FANCM: variants seen among roughly 807,000 people sequenced by gnomAD.
FANCM encodes the protein FA complementation group M, also known as Fanconi anemia group M protein.
Under a neutral mutation model 199.5 loss-of-function variants are expected in FANCM, and 140 were observed. That is an observed-to-expected ratio of 0.70 (90% CI 0.61 to 0.81). FANCM has a LOEUF of 0.81. FANCM is among the 30% of genes least tolerant of loss of function. The pLI is 0.00. For synonymous variants in FANCM, 840 were observed against 836.8 expected, an observed-to-expected ratio of 1.00 and a Z score of -0.07; for missense variants, 2,410 against 2,421.4, an observed-to-expected ratio of 1.00 and a Z score of 0.10.
At chr14:45,168,797 AATAT>A (rs1888148299) in intron 11 of FANCM, among the ~76,000 whole-genome samples, 1 of 147,990 alleles carries the variant, frequency 6.8e-6, no homozygotes, top group Non-Finnish European at 1.5e-5. Flanking sequence ...TATATATTAA[AATAT>A]ATAGTATATA....
At chr14:45,164,648 C>T (rs1451105073) in intron 10 of FANCM, 83 bp downstream of exon 10, 1 of 1,073,844 alleles carries the variant, frequency 9.3e-7, no homozygotes, top group Admixed American at 2.0e-5. Context: ...TGTTAGCATT[C>T]CAAGTCCAAA....
At chr14:45,158,328 G>C (rs1245497074) in intron 8 of FANCM, among the ~76,000 whole-genome samples, 3 of 152,082 alleles carry the variant, frequency 2.0e-5, no homozygotes, top group African/African-American at 2.4e-5. Flanking sequence ...AAAGCTTAAA[G>C]AGTTTAAATA....
At chr14:45,167,319 T>C (rs1034726673) in intron 11 of FANCM, 156 bp downstream of exon 11, 2 of 641,012 alleles carry the variant, frequency 3.1e-6, no homozygotes, top group Non-Finnish European at 5.6e-6. Flanking sequence ...AGATTATTCA[T>C]GTGGCAAATG....
At chr14:45,170,925 C>CT (rs1208868990) in intron 12 of FANCM, among the ~76,000 whole-genome samples, 179 bp downstream of exon 12, 1 of 152,054 alleles carries the variant, frequency 6.6e-6, no homozygotes, top group African/African-American at 2.4e-5. Context: ...TCATTAAAGT[C>CT]TAAGTTTACA....
rs1890290548 is a variant in FANCM, at chr14:45,200,253, G to C, written c.*245G>C. On this transcript the variant is annotated 3_prime_UTR_variant, in exon 23 of 23. Transcript: ENST00000267430. Reference sequence around the variant, plus strand: ...AAATAAAACAAGGTTTATTAAAAGTGTTACTAAGGATAGTTTAAGAAAGTA... The same window carrying C: ...AAATAAAACAAGGTTTATTAAAAGTCTTACTAAGGATAGTTTAAGAAAGTA... 1 of 168,606 alleles carries C rather than the reference G, an allele frequency of 5.9e-6. No homozygotes were observed. Among genetic ancestry groups the C allele is most frequent in the African/African-American group, 2.4e-5 (1 of 41,572 alleles). The allele number at this position is 168,606 out of a possible 1,614,324, so 10.4% of individuals were successfully genotyped here.
At chr14:45,193,024 A>T (rs1374002766) in intron 20 of FANCM, among the ~76,000 whole-genome samples, 1 of 152,194 alleles carries the variant, frequency 6.6e-6, no homozygotes, top group Non-Finnish European at 1.5e-5. Context: ...TTTTCCTAGT[A>T]CAGTCCTTGG....
chr14:45,159,966 G>C (rs1887467433), intron 9 of FANCM, among the ~76,000 whole-genome samples: 2 of 145,218 alleles, frequency 1.4e-5, no homozygotes, highest in African/African-American at 5.0e-5. Context: ...ATCCTTTTTT[G>C]ATTCTGCAGA....
chr14:45,182,256 A>AT (rs148174010), intron 16 of FANCM, among the ~76,000 whole-genome samples: 2,585 of 152,334 alleles, frequency 0.017, 26 homozygotes, highest in African/African-American at 0.032. Context: ...TGTTTACAGA[A>AT]TAACAGCCTA....
intron 22 of FANCM, 143 bp from the exon 23 acceptor site, chr14:45,199,727 A>G (rs1362295671): frequency 8.8e-5 from 57 of 648,780 alleles, no homozygotes; most frequent in Non-Finnish European, 1.9e-5. Flanking sequence ...TATCCAAACT[A>G]ATGTTCAAGA....
At chr14:45,140,840 A>C in intron 3 of FANCM, 131 bp downstream of exon 3, 1 of 706,088 alleles carries the variant, frequency 1.4e-6, no homozygotes, top group South Asian at 1.5e-5. Context: ...CAGGAATTCC[A>C]GACCAGCCTG....
rs1889583738 is a variant in FANCM, at chr14:45,188,960, A to G, written c.4938A>G (p.Ala1646=). 2 of 1,614,036 alleles carry G rather than the reference A, an allele frequency of 1.2e-6. No homozygotes were observed. Among genetic ancestry groups the G allele is most frequent in the African/African-American group, 2.7e-5 (2 of 74,948 alleles). ...GTAAAAAGTATAAAACTCGACGTGC[A>G]GTAATGCTAAAAGAAATGATGGAAC... ...ANSKKYKTRR[A]VMLKEMMEQN... is the part of the protein sequence containing the mutation. The change falls in exon 20 of 23, where the codon GCA becomes GCG. Residue 1646 remains alanine, a synonymous_variant. Transcript: ENST00000267430.
chr14:45,163,999 C>T (rs1249104944), intron 9 of FANCM, among the ~76,000 whole-genome samples: 1 of 152,154 alleles, frequency 6.6e-6, no homozygotes, highest in African/African-American at 2.4e-5. Flanking sequence ...GGCTAGAGTG[C>T]AGTGTCACAG....
At position 45,185,258 on chromosome 14, in the gene FANCM, TGAA is replaced by T. The variant is rs773881348; in HGVS notation, c.4563_4565del (p.Glu1521del). 6.2e-7 allele frequency: 1 copy of T among 1,605,460 alleles called. No individual in the cohort carries two copies. The highest frequency in any genetic ancestry group is 1.1e-5 in the South Asian group (1 of 90,424). On this transcript the variant is annotated inframe_deletion, in exon 18 of 23. Coordinates refer to ENST00000267430, the MANE Select transcript of FANCM (RefSeq NM_020937.4). ...TTTTAGATGATGAAGCAGAACTTTC[TGAA>T]GAAGATGCAGAATATGTTTCATCAG...
chr14:45,145,055 T>C (rs1229637934), intron 3 of FANCM, among the ~76,000 whole-genome samples: 1 of 151,882 alleles, frequency 6.6e-6, no homozygotes, highest in East Asian at 1.9e-4. Context: ...GTAATGAATC[T>C]TGCCAGGACT....
intron 22 of FANCM, 31 bp from the exon 23 acceptor site, chr14:45,199,839 G>A: frequency 6.2e-7 from 1 of 1,604,644 alleles, no homozygotes; most frequent in Non-Finnish European, 8.5e-7. Flanking sequence ...AAAAGTCCTA[G>A]TGTAATGATT....
In FANCM at chr14:45,176,844, A is replaced by T. The variant is rs1888740450; in HGVS notation, c.4090A>T (p.Ser1364Cys). The T allele has an allele frequency of 6.2e-7, 1 of 1,606,914 alleles. No individual in the cohort carries two copies. Among genetic ancestry groups the T allele is most frequent in the African/African-American group, 1.3e-5 (1 of 74,700 alleles). The part of the protein sequence containing the change: ...RKEILKTPDS[S>C]KEKVNLQRFK... ...GGAAATACTTAAGACACCAGATTCT[A>T]GTAAGGAAAAAGTAAACCTACAAAG... The change falls in exon 14 of 23, where the codon AGT becomes TGT. Residue 1364 changes from serine (S) to cysteine (C), a missense_variant. Ser to Cys is a moderately radical substitution (Grantham distance 112). Transcript: ENST00000267430.
At chr14:45,193,582 CT>C (rs1889893261) in intron 20 of FANCM, among the ~76,000 whole-genome samples, 1 of 152,154 alleles carries the variant, frequency 6.6e-6, no homozygotes, top group South Asian at 2.1e-4. Flanking sequence ...AAAAGTCCAG[CT>C]TTTGTTGTTG....
intron 3 of FANCM, among the ~76,000 whole-genome samples, chr14:45,146,051 T>G (rs1319847833): frequency 3.9e-5 from 5 of 127,422 alleles, no homozygotes; most frequent in African/African-American, 1.5e-4. Context: ...AGAGCGAGAC[T>G]CCGTCTCAAA....
In FANCM at chr14:45,189,190, G is replaced by C. The variant is rs1889606291; in HGVS notation, c.5168G>C (p.Arg1723Thr). 2 of 1,614,032 alleles carry C rather than the reference G, an allele frequency of 1.2e-6. No homozygotes were observed. The highest frequency in any genetic ancestry group is 2.2e-5 in the South Asian group (2 of 91,084). ...CAGTCCAAGGTGCGTTCTACTCCAA[G>C]AGTTAATCCATTAGCAAAGCAGAGC... ...SAQSKVRSTP[R>T]VNPLAKQSKQ... The change falls in exon 20 of 23, where the codon AGA becomes ACA. Residue 1723 changes from arginine (R) to threonine (T), a missense_variant. By Grantham distance (71) the Arg-to-Thr change is moderately conservative. Coordinates refer to ENST00000267430, the MANE Select transcript of FANCM (RefSeq NM_020937.4).
Sources: allele counts gnomAD v4.1 joint callset (sites outside exome capture counted in the v4.1 genomes callset), GRCh38; gene constraint gnomAD v4.1.1; transcripts MANE v1.5; gene names NCBI Gene and HGNC (gene_info 2026-07-23, HGNC 2026-07-21).